TMEM234: variants seen among roughly 807,000 people sequenced by gnomAD.
TMEM234 encodes chromosome 1 open reading frame 91.
A neutral mutation model predicts 17.8 loss-of-function variants in TMEM234; 21 were observed. The ratio of observed to expected loss-of-function variants is 1.18; its 90% CI spans 0.84 to 1.70. The LOEUF (loss-of-function observed/expected upper bound fraction) is 1.70, where lower values mean the gene tolerates loss of function less well. Ranked by LOEUF, TMEM234 falls within the 40% of genes most tolerant of loss-of-function variation. TMEM234 has a pLI of 0.00. For missense variants in TMEM234, 137 were observed against 166.9 expected (o/e 0.82, Z 0.99); for synonymous variants, 83 against 73.5 (o/e 1.13, Z -0.66).
Position 32,216,592 on chromosome 1 carries a change from G to A in TMEM234, c.*261C>T. 6.5e-7 allele frequency: 1 copy of A among 1,541,354 alleles called. No homozygotes were observed. The highest frequency in any genetic ancestry group is 1.2e-5 in the South Asian group (1 of 83,824). On this transcript the variant is annotated 3_prime_UTR_variant, in exon 5 of 5. Coordinates refer to ENST00000309777, the MANE Select transcript of TMEM234 (RefSeq NM_019118.5). ...GGAGCCTGAGATGTTAGCAGGAAGAGAGCTGCTGGGGCAGAAAGGTTGCTG... is the reference window on the plus strand; with the variant it reads ...GGAGCCTGAGATGTTAGCAGGAAGAAAGCTGCTGGGGCAGAAAGGTTGCTG...
At chr1:32,219,716 T>C (rs900193015) in intron 3 of TMEM234, among the ~76,000 whole-genome samples, 6 of 152,180 alleles carry the variant, frequency 3.9e-5, no homozygotes, top group African/African-American at 1.4e-4. Flanking sequence ...AGGAGTGTCA[T>C]GGCTGCTAAG....
chr1:32,222,162 G>C, intron 1 of TMEM234, 144 bp from the exon 2 acceptor site: 1 of 1,502,624 alleles, frequency 6.7e-7, no homozygotes. Flanking sequence ...GGCTAAGGCA[G>C]GCCCAGGGAA....
chr1:32,220,426 C>G (rs1174106473), intron 3 of TMEM234, among the ~76,000 whole-genome samples: 1 of 152,186 alleles, frequency 6.6e-6, no homozygotes, highest in Non-Finnish European at 1.5e-5. Flanking sequence ...ATCTGCCCTC[C>G]TTGGCCTCCC....
At chr1:32,221,751 C>T in intron 2 of TMEM234, 116 bp downstream of exon 2, 1 of 1,437,046 alleles carries the variant, frequency 7.0e-7, no homozygotes. Context: ...GGACAACTGA[C>T]TTTTCCGAGA....
At chr1:32,218,085 T>C (rs1409585809) in intron 3 of TMEM234, among the ~76,000 whole-genome samples, 2 of 152,226 alleles carry the variant, frequency 1.3e-5, no homozygotes, top group Non-Finnish European at 2.9e-5. Context: ...TCCTTAATTT[T>C]GAAGTTCCAA....
chr1:32,221,694 G>T (rs1480309774), intron 2 of TMEM234, among the ~76,000 whole-genome samples, 173 bp downstream of exon 2: 1 of 152,126 alleles, frequency 6.6e-6, no homozygotes, highest in African/African-American at 2.4e-5. Flanking sequence ...CCTATCAGAT[G>T]GTTATTATTA....
chr1:32,216,427 A>C lies in TMEM234; in HGVS notation c.*426T>G. On this transcript the variant is annotated 3_prime_UTR_variant, in exon 5 of 5. Transcript: ENST00000309777. Reference sequence around the variant, plus strand: ...CCCCTCATTCAGCCAAAGCGCTCTGACTGAGTCCCAGAGGCCTCCCGTTTG... The same window carrying C: ...CCCCTCATTCAGCCAAAGCGCTCTGCCTGAGTCCCAGAGGCCTCCCGTTTG... 6.4e-7 allele frequency: 1 copy of C among 1,551,608 alleles called. No homozygotes were observed. The highest frequency in any genetic ancestry group is 2.4e-5 in the East Asian group (1 of 40,904).
chr1:32,216,468 G>A lies in TMEM234; in HGVS notation c.*385C>T. On this transcript the variant is annotated 3_prime_UTR_variant, in exon 5 of 5. Transcript: ENST00000309777. ...CTCCCGTTTGCATTTCTGGCTCAAAGTCTGCAGCTGGCCCTTTCCATGCAG... is the reference window on the plus strand; with the variant it reads ...CTCCCGTTTGCATTTCTGGCTCAAAATCTGCAGCTGGCCCTTTCCATGCAG... 1 of 1,551,754 alleles carries A rather than the reference G, an allele frequency of 6.4e-7. No homozygotes were observed. The highest frequency in any genetic ancestry group is 1.4e-5 in the African/African-American group (1 of 73,182).
At position 32,216,833 on chromosome 1, in the gene TMEM234, T is replaced by G. The variant is rs149348746; in HGVS notation, c.*20A>C. Reference sequence around the variant, plus strand: ...AGGGGCTTCCTGGAGGCAGCAGAGCTGGAAGTGGGTTCGGCCCACTCAAAG... The same window carrying G: ...AGGGGCTTCCTGGAGGCAGCAGAGCGGGAAGTGGGTTCGGCCCACTCAAAG... On this transcript the variant is annotated 3_prime_UTR_variant, in exon 5 of 5. Coordinates refer to ENST00000309777, the MANE Select transcript of TMEM234 (RefSeq NM_019118.5). The G allele has an allele frequency of 1.9e-6, 3 of 1,613,706 alleles. No individual in the cohort carries two copies. Among genetic ancestry groups the G allele is most frequent in the Non-Finnish European group, 2.5e-6 (3 of 1,179,888 alleles).
chr1:32,219,525 T>C (rs1638703266), intron 3 of TMEM234, among the ~76,000 whole-genome samples: 1 of 152,176 alleles, frequency 6.6e-6, no homozygotes, highest in Non-Finnish European at 1.5e-5. Flanking sequence ...CCTGAGCAGC[T>C]AGGACTACAG....
downstream of TMEM234, chr1:32,215,369 T>A: frequency 7.7e-7 from 1 of 1,297,524 alleles, no homozygotes; most frequent in Non-Finnish European, 1.1e-6. Flanking sequence ...GGGGCTAGCA[T>A]GAAGGTCCAG....
At chr1:32,217,419 A>G (rs1569801568) in intron 3 of TMEM234, 68 bp from the exon 4 acceptor site, 1 of 1,587,596 alleles carries the variant, frequency 6.3e-7, no homozygotes, top group African/African-American at 1.3e-5. Flanking sequence ...AAACACTTCC[A>G]TCATCATCAT....
At position 32,222,327 on chromosome 1, in the gene TMEM234, A is replaced by G. The variant is rs766087369; in HGVS notation, c.-5T>C. 2 of 1,562,190 alleles carry G rather than the reference A, an allele frequency of 1.3e-6. No homozygotes were observed. Among genetic ancestry groups the G allele is most frequent in the Non-Finnish European group, 1.7e-6 (2 of 1,152,104 alleles). On this transcript the variant is annotated 5_prime_UTR_variant, in exon 1 of 5. Coordinates refer to ENST00000309777, the MANE Select transcript of TMEM234 (RefSeq NM_019118.5). ...CCTACCCAGAGACGCCGCCATGGCA[A>G]CGCCGCTGTCTTCTACTTCCGGGAA... is the stretch of plus-strand genomic sequence containing the variant.
At chr1:32,215,894 T>C (rs940703939), downstream of TMEM234, 14 of 1,550,756 alleles carry the variant, frequency 9.0e-6, no homozygotes, top group African/African-American at 1.9e-4. Flanking sequence ...CTCTGCCATC[T>C]TGAGAGCCAG....
chr1:32,219,879 A>G (rs1569823009), intron 3 of TMEM234, among the ~76,000 whole-genome samples: 1 of 152,216 alleles, frequency 6.6e-6, no homozygotes, highest in African/African-American at 2.4e-5. Context: ...TAGGGGTCAC[A>G]GTATACCATT....
chr1:32,215,689 G>C (rs370154844), downstream of TMEM234: 56 of 1,105,010 alleles, frequency 5.1e-5, 1 homozygote, highest in East Asian at 5.2e-4. Context: ...AAATGAGGAA[G>C]CAGTTCCTAA....
At position 32,222,323 on chromosome 1, in the gene TMEM234, G is replaced by A. The variant is rs371359721; in HGVS notation, c.-1C>T. The A allele has an allele frequency of 1.3e-4, 205 of 1,562,120 alleles. No homozygotes were observed. Among genetic ancestry groups the A allele is most frequent in the Non-Finnish European group, 1.7e-4 (196 of 1,152,502 alleles). On this transcript the variant is annotated 5_prime_UTR_variant, in exon 1 of 5. Transcript: ENST00000309777. ...GCTACCTACCCAGAGACGCCGCCATGGCAACGCCGCTGTCTTCTACTTCCG... is the reference window on the plus strand; with the variant it reads ...GCTACCTACCCAGAGACGCCGCCATAGCAACGCCGCTGTCTTCTACTTCCG...
intron 3 of TMEM234, 46 bp from the exon 4 acceptor site, chr1:32,217,397 T>C (rs1326568838): frequency 6.3e-7 from 1 of 1,591,386 alleles, no homozygotes. Flanking sequence ...AACAAATGCC[T>C]TTCTAGGCAC....
rs1638391099 is a variant in TMEM234 at position 32,216,439 on chromosome 1, A to C, written c.*414T>G. ...CCAAAGCGCTCTGACTGAGTCCCAG[A>C]GGCCTCCCGTTTGCATTTCTGGCTC... On this transcript the variant is annotated 3_prime_UTR_variant, in exon 5 of 5. Transcript: ENST00000309777. The C allele has an allele frequency of 6.4e-7, 1 of 1,551,542 alleles. No individual in the cohort carries two copies. Among genetic ancestry groups the C allele is most frequent in the South Asian group, 1.2e-5 (1 of 84,060 alleles).
Sources: allele counts gnomAD v4.1 joint callset (sites outside exome capture counted in the v4.1 genomes callset), GRCh38; gene constraint gnomAD v4.1.1; transcripts MANE v1.5; gene names NCBI Gene and HGNC (gene_info 2026-07-23, HGNC 2026-07-21).